Variants in CDK14 observed in about 807,000 individuals in gnomAD.
CDK14 encodes cyclin dependent kinase 14.
A neutral mutation model predicts 60.7 loss-of-function variants in CDK14; 34 were observed. The ratio of observed to expected loss-of-function variants is 0.56; its 90% CI spans 0.43 to 0.75. The LOEUF (loss-of-function observed/expected upper bound fraction) is 0.75. CDK14 is among the 30% of genes least tolerant of loss of function. The probability of loss-of-function intolerance (pLI) is 0.00; values close to 1 mark genes in which losing one functional copy is unlikely to be tolerated. For missense variants in CDK14, 482 were observed against 564.1 expected, an observed-to-expected ratio of 0.85 and a Z score of 1.47; for synonymous variants, 197 against 203.7, an observed-to-expected ratio of 0.97 and a Z score of 0.28.
At chr7:91,020,246 A>G (rs1159305692) in intron 10 of CDK14, among the ~76,000 whole-genome samples, 1 of 152,212 alleles carries the variant, frequency 6.6e-6, no homozygotes, top group Non-Finnish European at 1.5e-5. Context: ...GGAATGGTTA[A>G]AGAATCAAGA....
intron 11 of CDK14, among the ~76,000 whole-genome samples, chr7:91,062,055 G>A (rs1045829995): frequency 1.3e-5 from 2 of 152,192 alleles, no homozygotes; most frequent in Non-Finnish European, 2.9e-5. Flanking sequence ...CACCCAGTTC[G>A]AGCTTCCTGG....
At chr7:90,701,503 C>A (rs1801786231) in intron 2 of CDK14, among the ~76,000 whole-genome samples, 1 of 152,162 alleles carries the variant, frequency 6.6e-6, no homozygotes, top group South Asian at 2.1e-4. Context: ...ACCTTGACTG[C>A]TATTAAACCC....
At position 90,705,476 on chromosome 7, in the gene CDK14, C is replaced by T. The variant is rs139038572; in HGVS notation, c.124-21091C>T. 5.4e-3 allele frequency among the ~76,000 whole-genome samples: 828 copies of T among 152,036 alleles called. 28 individuals are homozygous for T. Among genetic ancestry groups the T allele is most frequent in the Admixed American group, 0.047 (716 of 15,236 alleles). ...TATGTGAAGATCAGTCATCTGGCAG[C>T]CTCTTGTGTCTGAGATAGCTCCACG... On this transcript the variant is annotated intron_variant, in intron 2 of 14. Coordinates refer to ENST00000380050, the MANE Select transcript of CDK14 (RefSeq NM_001287135.2).
At chr7:90,836,302 T>C (rs7790266) in intron 5 of CDK14, among the ~76,000 whole-genome samples, 66,114 of 152,118 alleles carry the variant, frequency 0.43, 15,228 homozygotes, top group East Asian at 0.85. Context: ...GTACAAAAAA[T>C]ATCTTTTTTC....
intron 12 of CDK14, among the ~76,000 whole-genome samples, chr7:91,100,947 G>C (rs955756094): frequency 6.6e-6 from 1 of 152,192 alleles, no homozygotes; most frequent in African/African-American, 2.4e-5. Flanking sequence ...TGCAAGGGCA[G>C]CTGTGTATTG....
At chr7:90,860,515 T>C (rs1270250328) in intron 5 of CDK14, among the ~76,000 whole-genome samples, 1 of 151,010 alleles carries the variant, frequency 6.6e-6, no homozygotes, top group South Asian at 2.1e-4. Context: ...GGATGTGATG[T>C]GTCTCATTCC....
intron 2 of CDK14, among the ~76,000 whole-genome samples, chr7:90,667,821 T>G (rs1001713042): frequency 4.6e-5 from 7 of 152,128 alleles, no homozygotes; most frequent in Non-Finnish European, 7.4e-5. Context: ...CGCCCGCCTC[T>G]GCCTCCCAAA....
intron 9 of CDK14, among the ~76,000 whole-genome samples, chr7:90,976,151 A>G (rs1365072273): frequency 6.6e-6 from 1 of 152,136 alleles, no homozygotes; most frequent in African/African-American, 2.4e-5. Flanking sequence ...AACAGTATAT[A>G]AGAGTTCCCT....
At chr7:91,166,220 T>G (rs1454189680) in intron 14 of CDK14, among the ~76,000 whole-genome samples, 1 of 152,212 alleles carries the variant, frequency 6.6e-6, no homozygotes, top group Non-Finnish European at 1.5e-5. Context: ...AACAAATTCA[T>G]GTAGTCAAAT....
intron 2 of CDK14, among the ~76,000 whole-genome samples, chr7:90,645,598 C>T (rs1800448061): frequency 1.3e-5 from 2 of 150,386 alleles, no homozygotes; most frequent in Non-Finnish European, 3.0e-5. Context: ...TATTTTCCTC[C>T]TTTTTTTTTA....
intron 9 of CDK14, among the ~76,000 whole-genome samples, chr7:90,964,709 T>C (rs921163629): frequency 1.1e-4 from 17 of 152,198 alleles, no homozygotes; most frequent in African/African-American, 4.1e-4. Flanking sequence ...TGATTTACTA[T>C]TTTCGACACT....
At chr7:90,706,810 T>A (rs1301929784) in intron 2 of CDK14, among the ~76,000 whole-genome samples, 1 of 152,194 alleles carries the variant, frequency 6.6e-6, no homozygotes, top group Non-Finnish European at 1.5e-5. Flanking sequence ...CAGATCCACT[T>A]GGTCAGTGGG....
At chr7:90,625,381 C>T (rs1354640913) in intron 2 of CDK14, among the ~76,000 whole-genome samples, 1 of 152,178 alleles carries the variant, frequency 6.6e-6, no homozygotes, top group African/African-American at 2.4e-5. Context: ...ACGGTAGTAC[C>T]TGCCATGTAC....
intron 2 of CDK14, among the ~76,000 whole-genome samples, chr7:90,615,059 C>G (rs1303394570): frequency 6.6e-6 from 1 of 151,934 alleles, no homozygotes; most frequent in Non-Finnish European, 1.5e-5. Flanking sequence ...AATAGTTTTC[C>G]TGTTTTTCAA....
At position 91,192,963 on chromosome 7, in the gene CDK14, T is replaced by A. The variant is rs147529966; in HGVS notation, c.*29-14202T>A. 6.2e-3 allele frequency among the ~76,000 whole-genome samples: 943 copies of A among 152,314 alleles called. 13 individuals are homozygous for A. Among genetic ancestry groups the A allele is most frequent in the East Asian group, 0.036 (187 of 5,178 alleles). Reference sequence around the variant, plus strand: ...TTCTCCTCTCTTGAAGGAAATATGATGCATAGACTGAGTGAGTTATTTTGT... The same window carrying A: ...TTCTCCTCTCTTGAAGGAAATATGAAGCATAGACTGAGTGAGTTATTTTGT... On this transcript the variant is annotated intron_variant, in intron 14 of 14. Coordinates refer to ENST00000380050, the MANE Select transcript of CDK14 (RefSeq NM_001287135.2).
At position 90,787,194 on chromosome 7, in the gene CDK14, A is replaced by G. The variant is rs376364885; in HGVS notation, c.465-3379A>G. 5.9e-5 allele frequency among the ~76,000 whole-genome samples: 9 copies of G among 152,290 alleles called. No individual in the cohort carries two copies. The East Asian group carries it at 1.2e-3, about 20-fold the overall frequency. ...CAGTGTAATTCTTAATGAGAAACCAATGAAGCAGTCGTAGAAAAGGGAGAT... is the reference window on the plus strand; with the variant it reads ...CAGTGTAATTCTTAATGAGAAACCAGTGAAGCAGTCGTAGAAAAGGGAGAT... On this transcript the variant is annotated intron_variant, in intron 4 of 14. Coordinates refer to ENST00000380050, the MANE Select transcript of CDK14 (RefSeq NM_001287135.2).
At chr7:90,886,087 A>G (rs1459766280) in intron 6 of CDK14, among the ~76,000 whole-genome samples, 1 of 152,218 alleles carries the variant, frequency 6.6e-6, no homozygotes, top group Non-Finnish European at 1.5e-5. Context: ...AACAAATTCC[A>G]TCAATGATTA....
At chr7:90,905,507 G>A (rs1239693676) in intron 7 of CDK14, among the ~76,000 whole-genome samples, 1 of 152,094 alleles carries the variant, frequency 6.6e-6, no homozygotes, top group Non-Finnish European at 1.5e-5. Flanking sequence ...AACATTGAAT[G>A]TTGATGTAAT....
At chr7:90,931,202 A>T (rs1390951580) in intron 8 of CDK14, among the ~76,000 whole-genome samples, 1 of 152,238 alleles carries the variant, frequency 6.6e-6, no homozygotes, top group Non-Finnish European at 1.5e-5. Context: ...GTATCACTTT[A>T]CTTTGAAATG....
Sources: gnomAD v4.1 joint callset for allele counts (sites outside exome capture counted in the v4.1 genomes callset) on GRCh38, gnomAD v4.1.1 for gene constraint, MANE v1.5 for transcripts, NCBI Gene and HGNC (gene_info 2026-07-23, HGNC 2026-07-21) for gene names.